The following STK3 variants were observed in gnomAD, a reference collection of about 807,000 sequenced individuals.
The protein encoded by STK3 is serine/threonine-protein kinase 3.
STK3 carries 41 observed loss-of-function variants against 58.0 expected under a neutral mutation model. That is an observed-to-expected ratio of 0.71 (90% confidence interval 0.55 to 0.92). The LOEUF (loss-of-function observed/expected upper bound fraction) is 0.92, where lower values mean the gene tolerates loss of function less well. Among genes scored for constraint, STK3 ranks in the 40% least tolerant of loss-of-function variants. The probability of loss-of-function intolerance (pLI) is 0.00; values close to 1 mark genes in which losing one functional copy is unlikely to be tolerated. For missense variants in STK3, 479 were observed against 602.7 expected (o/e 0.79, Z 2.15); for synonymous variants, 170 against 191.0 (o/e 0.89, Z 0.91).
chr8:98,905,637 C>T (rs1838867425), intron 1 of STK3: 1 of 842,204 alleles, frequency 1.2e-6, no homozygotes, highest in South Asian at 1.3e-5. Context: ...TCTGTGGCCT[C>T]CTGGGGCAGG....
chr8:98,640,484 T>G (rs1040522356), intron 6 of STK3, among the ~76,000 whole-genome samples: 4 of 152,198 alleles, frequency 2.6e-5, no homozygotes, highest in Non-Finnish European at 5.9e-5. Flanking sequence ...AATGATATAC[T>G]AGTGAAGGGT....
the STK3 span, among the ~76,000 whole-genome samples, chr8:98,364,274 G>A: frequency 2.0e-5 from 3 of 152,142 alleles, no homozygotes; most frequent in African/African-American, 7.2e-5. Context: ...TCCATCAGCC[G>A]CCCGCTTCCT....
At chr8:98,492,599 A>AT (rs541295546) in intron 10 of STK3, among the ~76,000 whole-genome samples, 6 of 151,196 alleles carry the variant, frequency 4.0e-5, no homozygotes, top group Non-Finnish European at 7.4e-5. Context: ...AGTGTTTTGT[A>AT]TTTTTTTTTG....
rs190485541 is a variant in STK3 at position 98,588,578 on chromosome 8, T to C, written c.822+7454A>G. Among the ~76,000 whole-genome samples, 404 of 152,282 alleles carry C rather than the reference T, an allele frequency of 2.7e-3. 2 individuals are homozygous for C. Among genetic ancestry groups the C allele is most frequent in the African/African-American group, 9.3e-3 (386 of 41,540 alleles). Reference sequence around the variant, plus strand: ...TGGTGAATCTGACAATTATGTGTCTTGGAGTTGCTTTCTCGAGGAGTATCT... The same window carrying C: ...TGGTGAATCTGACAATTATGTGTCTCGGAGTTGCTTTCTCGAGGAGTATCT... On this transcript the variant is annotated intron_variant, in intron 7 of 10. Coordinates refer to ENST00000419617, the MANE Select transcript of STK3 (RefSeq NM_006281.4).
intron 3 of STK3, among the ~76,000 whole-genome samples, chr8:98,410,993 G>T (rs1010732863): frequency 6.6e-5 from 10 of 152,124 alleles, no homozygotes; most frequent in African/African-American, 2.4e-4. Context: ...TACTAGCAAA[G>T]CATCCATCAC....
chr8:98,807,142 G>A (rs1362323035), intron 1 of STK3, among the ~76,000 whole-genome samples: 3 of 131,836 alleles, frequency 2.3e-5, no homozygotes, highest in Non-Finnish European at 4.7e-5. Context: ...CGACAAGCGA[G>A]ACTCCGTCTC....
At chr8:98,738,632 GC>G (rs1344014697) in intron 4 of STK3, among the ~76,000 whole-genome samples, 1 of 152,226 alleles carries the variant, frequency 6.6e-6, no homozygotes, top group African/African-American at 2.4e-5. Context: ...AATAGGAACA[GC>G]TCTGGTCTAC....
chr8:98,828,507 CAACTACT>C (rs1288142372), upstream of STK3, among the ~76,000 whole-genome samples: 1 of 148,930 alleles, frequency 6.7e-6, no homozygotes, highest in African/African-American at 2.5e-5. Flanking sequence ...CCTGTAGTCC[CAACTACT>C]AGGCTTCAGT....
At chr8:98,462,335 T>C (rs1360278301) in intron 10 of STK3, among the ~76,000 whole-genome samples, 1 of 152,094 alleles carries the variant, frequency 6.6e-6, no homozygotes, top group Non-Finnish European at 1.5e-5. Context: ...ATATACACAA[T>C]GGAGTACATT....
At chr8:98,616,337 G>C (rs1425712102) in intron 6 of STK3, among the ~76,000 whole-genome samples, 81 of 139,218 alleles carry the variant, frequency 5.8e-4, no homozygotes, top group African/African-American at 2.2e-3. Flanking sequence ...GGAACAACCA[G>C]TACCAGCCGC....
intron 6 of STK3, among the ~76,000 whole-genome samples, chr8:98,669,833 G>A (rs377215103): frequency 1.2e-3 from 182 of 152,188 alleles, no homozygotes; most frequent in African/African-American, 4.1e-3. Context: ...CTAGCCCTTC[G>A]AAGATACCCA....
At position 98,756,173 on chromosome 8, in the gene STK3, T is replaced by G. The variant is rs536966129; in HGVS notation, c.237-6783A>C. Among the ~76,000 whole-genome samples the G allele has an allele frequency of 3.8e-4, 57 of 149,798 alleles. 1 individual carries two copies. In the South Asian group the frequency reaches 0.011, roughly 28 times the overall value. ...AAAAAGAAAAATTAAAATTAAAAAA[T>G]AAAGAAAGAAAGAAAAGAACCAACG... On this transcript the variant is annotated intron_variant, in intron 3 of 10. Coordinates refer to ENST00000419617, the MANE Select transcript of STK3 (RefSeq NM_006281.4).
chr8:98,726,405 G>C (rs929962628), intron 4 of STK3, among the ~76,000 whole-genome samples: 2 of 152,182 alleles, frequency 1.3e-5, no homozygotes, highest in African/African-American at 4.8e-5. Context: ...TGTGTATGCT[G>C]TATTTAATCA....
chr8:98,829,705 T>C (rs1246921837), upstream of STK3, among the ~76,000 whole-genome samples: 1 of 152,240 alleles, frequency 6.6e-6, no homozygotes, highest in East Asian at 1.9e-4. Flanking sequence ...TATTCCACTG[T>C]AGATCAGTCA....
chr8:98,367,745 C>A (rs1161349219), downstream of STK3, among the ~76,000 whole-genome samples: 12 of 152,184 alleles, frequency 7.9e-5, no homozygotes, highest in Admixed American at 7.2e-4. Flanking sequence ...AGAAGACAGC[C>A]TTTCGGGGCA....
At chr8:98,655,316 C>T (rs548171515) in intron 6 of STK3, among the ~76,000 whole-genome samples, 1 of 152,142 alleles carries the variant, frequency 6.6e-6, no homozygotes, top group African/African-American at 2.4e-5. Flanking sequence ...CTTCCTTACA[C>T]CTTATACAAA....
chr8:98,808,566 C>T (rs931810585), intron 1 of STK3, among the ~76,000 whole-genome samples: 3 of 152,046 alleles, frequency 2.0e-5, no homozygotes, highest in African/African-American at 7.2e-5. Flanking sequence ...GCAGAATATA[C>T]ACAACATAAA....
At chr8:98,541,775 A>G (rs1410415406) in intron 9 of STK3, among the ~76,000 whole-genome samples, 1 of 152,198 alleles carries the variant, frequency 6.6e-6, no homozygotes, top group Admixed American at 6.5e-5. Flanking sequence ...TACAATATTC[A>G]AACTCTGCAT....
At chr8:98,598,750 C>T (rs375924168) in intron 6 of STK3, 4 of 985,372 alleles carry the variant, frequency 4.1e-6, no homozygotes, top group African/African-American at 1.7e-5. Flanking sequence ...ATCTCTAACA[C>T]CATTTTGATT....
Sources: allele counts gnomAD v4.1 joint callset (sites outside exome capture counted in the v4.1 genomes callset), GRCh38; gene constraint gnomAD v4.1.1; transcripts MANE v1.5; gene names NCBI Gene and HGNC (gene_info 2026-07-23, HGNC 2026-07-21).